Variants in PARVA observed in about 807,000 individuals in gnomAD.
PARVA encodes the protein parvin alpha.
A neutral mutation model predicts 52.6 loss-of-function variants in PARVA; 25 were observed. That is an observed-to-expected ratio of 0.48 (90% CI 0.35 to 0.66). PARVA has a LOEUF of 0.66. PARVA is among the 30% of genes least tolerant of loss of function. PARVA has a pLI of 0.01. For missense variants in PARVA, 373 were observed against 450.9 expected (o/e 0.83, Z 1.56); for synonymous variants, 185 against 179.1 (o/e 1.03, Z -0.26).
intron 12 of PARVA, among the ~76,000 whole-genome samples, chr11:12,524,013 TAGGC>T (rs1266285337): frequency 6.6e-6 from 1 of 152,166 alleles, no homozygotes; most frequent in African/African-American, 2.4e-5. Context: ...TGATAAGTGA[TAGGC>T]AGTGTCTCTG....
At chr11:12,497,369 T>C (rs1243077093) in intron 5 of PARVA, among the ~76,000 whole-genome samples, 1 of 152,134 alleles carries the variant, frequency 6.6e-6, no homozygotes, top group Non-Finnish European at 1.5e-5. Context: ...CCTTTAACTA[T>C]TAAGGGGTTA....
In PARVA at chr11:12,430,251, T is replaced by A. The variant is rs1176141402; in HGVS notation, c.137-43494T>A. The stretch of plus-strand genomic sequence containing the variant: ...CAGAACATCATCTCAAGAACGTAGA[T>A]CATCAATATAAGTGATGAGTTGTGA... On this transcript the variant is annotated intron_variant, in intron 1 of 12. Coordinates refer to ENST00000334956, the MANE Select transcript of PARVA (RefSeq NM_018222.5). Among the ~76,000 whole-genome samples the A allele has an allele frequency of 3.3e-5, 5 of 152,346 alleles. No individual in the cohort carries two copies. In the East Asian group the frequency reaches 9.6e-4, roughly 29 times the overall value.
chr11:12,482,167 A>AAAAAAG (rs1554899706), intron 4 of PARVA, among the ~76,000 whole-genome samples: 1 of 151,564 alleles, frequency 6.6e-6, no homozygotes, highest in Non-Finnish European at 1.5e-5. Context: ...AAAAAAAAAA[A>AAAAAAG]AAAAAGAAAA....
intron 5 of PARVA, among the ~76,000 whole-genome samples, chr11:12,501,378 TATTC>T (rs1166260830): frequency 6.6e-6 from 1 of 152,082 alleles, no homozygotes; most frequent in Non-Finnish European, 1.5e-5. Flanking sequence ...GCATGCAAAC[TATTC>T]ATTATGTGTA....
intron 1 of PARVA, among the ~76,000 whole-genome samples, chr11:12,445,222 G>A (rs923824120): frequency 6.6e-6 from 1 of 152,178 alleles, no homozygotes; most frequent in East Asian, 1.9e-4. Context: ...TGTTCACATA[G>A]GAATGGGCTA....
At position 12,412,231 on chromosome 11, in the gene PARVA, G is replaced by A. The variant is rs141387475; in HGVS notation, c.136+34448G>A. 1.1e-4 allele frequency among the ~76,000 whole-genome samples: 16 copies of A among 152,320 alleles called. No individual in the cohort carries two copies. The East Asian group carries it at 1.5e-3, about 15-fold the overall frequency. On this transcript the variant is annotated intron_variant, in intron 1 of 12. Transcript: ENST00000334956. Reference sequence around the variant, plus strand: ...TAATCCTCTATTCCTCATGTCCAGCGTGAGCCTGGCACACAGTAGGTGCTT... The same window carrying A: ...TAATCCTCTATTCCTCATGTCCAGCATGAGCCTGGCACACAGTAGGTGCTT...
intron 3 of PARVA, among the ~76,000 whole-genome samples, chr11:12,476,419 C>T (rs1211384453): frequency 6.6e-6 from 1 of 151,974 alleles, no homozygotes; most frequent in Non-Finnish European, 1.5e-5. Flanking sequence ...AAGTTCGAGG[C>T]TATAGTGCAC....
chr11:12,476,981 T>C (rs2135039962), intron 3 of PARVA: 1 of 152,328 alleles, frequency 6.6e-6, no homozygotes, highest in Non-Finnish European at 1.5e-5. Flanking sequence ...GGGATGAGGA[T>C]TGAGTACAAA....
At chr11:12,478,231 A>G (rs954116894) in intron 4 of PARVA, 6 of 466,560 alleles carry the variant, frequency 1.3e-5, no homozygotes, top group African/African-American at 9.8e-5. Context: ...TATATTAATA[A>G]CTAGAAAGCA....
intron 1 of PARVA, among the ~76,000 whole-genome samples, chr11:12,453,499 C>T (rs908433584): frequency 8.6e-5 from 13 of 152,030 alleles, no homozygotes; most frequent in East Asian, 1.9e-4. Flanking sequence ...TGATTAGTGA[C>T]GGTAATAGGA....
intron 1 of PARVA, among the ~76,000 whole-genome samples, chr11:12,427,999 G>A (rs1371830951): frequency 1.3e-5 from 2 of 152,200 alleles, no homozygotes; most frequent in African/African-American, 4.8e-5. Context: ...CCATCTCCAG[G>A]CCTCCCCTCC....
chr11:12,440,408 G>C (rs1053854735), intron 1 of PARVA, among the ~76,000 whole-genome samples: 1 of 152,284 alleles, frequency 6.6e-6, no homozygotes, highest in Non-Finnish European at 1.5e-5. Flanking sequence ...TTCCCACTGG[G>C]GCCTGGCCAC....
At chr11:12,458,061 C>A (rs1375214973) in intron 1 of PARVA, among the ~76,000 whole-genome samples, 1 of 152,216 alleles carries the variant, frequency 6.6e-6, no homozygotes, top group East Asian at 1.9e-4. Flanking sequence ...GGTACTCAAT[C>A]ATTCTGTAAG....
intron 1 of PARVA, among the ~76,000 whole-genome samples, chr11:12,394,647 T>G (rs1034459196): frequency 6.6e-6 from 1 of 152,192 alleles, no homozygotes. Flanking sequence ...TGCTGTAGTA[T>G]TCTGTCTACT....
rs1484573662 is a variant in PARVA, at chr11:12,530,852, G to A, written c.*2927G>A. 1 of 152,138 alleles carries A rather than the reference G, an allele frequency of 6.6e-6. No homozygotes were observed. The highest frequency in any genetic ancestry group is 1.5e-5 in the Non-Finnish European group (1 of 68,022). The allele number at this position is 152,138 out of a possible 1,614,324, so 9.4% of individuals were successfully genotyped here. On this transcript the variant is annotated 3_prime_UTR_variant, in exon 13 of 13. Transcript: ENST00000334956. ...CGTATCTCCAGTCTGCTCGAGCTAG[G>A]AAAGGAAAAAAGCCCTAGCCGAAGG...
At position 12,502,595 on chromosome 11, in the gene PARVA, AT is replaced by A. The variant is rs1564864369; in HGVS notation, c.542-1718del. Among the ~76,000 whole-genome samples the A allele has an allele frequency of 3.3e-5, 5 of 151,674 alleles. No individual in the cohort carries two copies. In the South Asian group the frequency reaches 1.0e-3, roughly 32 times the overall value. ...ACATAAGGTATAATAAAAAAAAAAA[AT>A]CAGCCATTCCTGGCCACCTGTTGTG... On this transcript the variant is annotated intron_variant, in intron 5 of 12. Transcript: ENST00000334956.
At chr11:12,510,005 A>C (rs1014747012) in intron 7 of PARVA, among the ~76,000 whole-genome samples, 1 of 152,204 alleles carries the variant, frequency 6.6e-6, no homozygotes, top group Non-Finnish European at 1.5e-5. Flanking sequence ...ATTATTGAAC[A>C]ATCTCTCGGA....
At chr11:12,416,522 AC>A (rs1358901830) in intron 1 of PARVA, among the ~76,000 whole-genome samples, 1 of 151,632 alleles carries the variant, frequency 6.6e-6, no homozygotes, top group Non-Finnish European at 1.5e-5. Flanking sequence ...TGAAGATTTC[AC>A]AGACAGCTTA....
At chr11:12,451,564 TATA>T (rs1286013484) in intron 1 of PARVA, among the ~76,000 whole-genome samples, 2 of 152,086 alleles carry the variant, frequency 1.3e-5, no homozygotes, top group African/African-American at 4.8e-5. Context: ...TCTGGGGAGG[TATA>T]ATATGATTAT....
Sources: gnomAD v4.1 joint callset for allele counts (sites outside exome capture counted in the v4.1 genomes callset) on GRCh38, gnomAD v4.1.1 for gene constraint, MANE v1.5 for transcripts, NCBI Gene and HGNC (gene_info 2026-07-23, HGNC 2026-07-21) for gene names.